The following PDZRN3 variants were observed in gnomAD, a reference collection of about 807,000 sequenced individuals.
PDZRN3 encodes PDZ domain containing ring finger 3, also known as E3 ubiquitin-protein ligase PDZRN3.
Under a neutral mutation model 85.7 loss-of-function variants are expected in PDZRN3, and 38 were observed. The observed-to-expected ratio is 0.44, with a 90% CI of 0.34 to 0.58. The LOEUF (loss-of-function observed/expected upper bound fraction) is 0.58, where lower values mean the gene tolerates loss of function less well. Ranked by LOEUF, PDZRN3 falls within the 20% of genes least tolerant of loss-of-function variation. PDZRN3 has a pLI of 0.01. For synonymous variants in PDZRN3, 759 were observed against 638.0 expected, an observed-to-expected ratio of 1.19 and a Z score of -2.86; for missense variants, 1,629 against 1,506.4, an observed-to-expected ratio of 1.08 and a Z score of -1.35.
intron 3 of PDZRN3, among the ~76,000 whole-genome samples, chr3:73,596,228 G>T (rs1171420887): frequency 2.6e-5 from 4 of 152,148 alleles, no homozygotes; most frequent in Non-Finnish European, 5.9e-5. Context: ...CAGAGGAAGA[G>T]ACAGACAGAT....
At chr3:73,420,824 T>C (rs1285603219) in intron 3 of PDZRN3, among the ~76,000 whole-genome samples, 1 of 152,144 alleles carries the variant, frequency 6.6e-6, no homozygotes, top group Non-Finnish European at 1.5e-5. Flanking sequence ...TCCAGTATCT[T>C]CCCAAATCCA....
At chr3:73,524,788 G>C (rs998863718) in intron 3 of PDZRN3, among the ~76,000 whole-genome samples, 7 of 152,108 alleles carry the variant, frequency 4.6e-5, no homozygotes, top group African/African-American at 1.7e-4. Context: ...AATTAAAAGT[G>C]AACATAATCC....
chr3:73,426,790 G>A (rs1026266145), intron 3 of PDZRN3, among the ~76,000 whole-genome samples: 1 of 152,234 alleles, frequency 6.6e-6, no homozygotes, highest in South Asian at 2.1e-4. Context: ...GTAGCTCTGG[G>A]GCGGGGCCTG....
intron 3 of PDZRN3, among the ~76,000 whole-genome samples, chr3:73,586,121 T>C (rs1376450313): frequency 6.6e-6 from 1 of 152,222 alleles, no homozygotes; most frequent in Non-Finnish European, 1.5e-5. Flanking sequence ...TACCCTTATA[T>C]TTATATTTTT....
intron 1 of PDZRN3, among the ~76,000 whole-genome samples, chr3:73,617,617 T>C (rs1021808133): frequency 3.3e-5 from 5 of 152,240 alleles, no homozygotes; most frequent in African/African-American, 1.2e-4. Context: ...ACTTCATTCC[T>C]ACTGTTAACC....
chr3:73,397,407 A>G (rs986677993), intron 5 of PDZRN3, among the ~76,000 whole-genome samples: 1 of 152,226 alleles, frequency 6.6e-6, no homozygotes, highest in African/African-American at 2.4e-5. Flanking sequence ...CCCAAGAGTT[A>G]GAACAAAACA....
chr3:73,486,289 T>C (rs556679696), intron 3 of PDZRN3, among the ~76,000 whole-genome samples: 2 of 151,826 alleles, frequency 1.3e-5, no homozygotes, highest in Admixed American at 1.3e-4. Context: ...TAAGAGCCCA[T>C]GGATAGGAGG....
chr3:73,624,094 G>C lies in PDZRN3; in HGVS notation c.723+9C>G. The C allele has an allele frequency of 6.9e-7, 1 of 1,440,174 alleles. No individual in the cohort carries two copies. Among genetic ancestry groups the C allele is most frequent in the Non-Finnish European group, 9.0e-7 (1 of 1,105,708 alleles). The allele number at this position is 1,440,174 out of a possible 1,614,324, so 89.2% of individuals were successfully genotyped here. On this transcript the variant is annotated intron_variant, in intron 1 of 9. Transcript: ENST00000263666. ...TGGCTGGAGGTCGGGGCGGGCAGCA[G>C]GCGCCTACCTTGCCGCCGGGCGGCG...
chr3:73,556,026 A>T (rs1375201174), intron 3 of PDZRN3, among the ~76,000 whole-genome samples: 1 of 152,160 alleles, frequency 6.6e-6, no homozygotes, highest in African/African-American at 2.4e-5. Context: ...ATTCCTAGAA[A>T]TGCTCCCCAC....
At chr3:73,438,221 T>TATA (rs1321721533) in intron 3 of PDZRN3, among the ~76,000 whole-genome samples, 2 of 152,126 alleles carry the variant, frequency 1.3e-5, no homozygotes, top group Non-Finnish European at 2.9e-5. Context: ...AGACAAGGCA[T>TATA]ATACACAAAG....
chr3:73,419,795 A>G (rs1702163433), intron 3 of PDZRN3, among the ~76,000 whole-genome samples: 1 of 152,190 alleles, frequency 6.6e-6, no homozygotes, highest in Non-Finnish European at 1.5e-5. Flanking sequence ...TGGCATATCA[A>G]CTATATCTGG....
chr3:73,394,407 A>C (rs1174503398), intron 5 of PDZRN3, among the ~76,000 whole-genome samples: 1 of 152,220 alleles, frequency 6.6e-6, no homozygotes, highest in Non-Finnish European at 1.5e-5. Context: ...CTCTCAGAAC[A>C]AACCGTCATG....
chr3:73,385,533 C>T (rs1701357997), intron 9 of PDZRN3, 136 bp downstream of exon 9: 1 of 635,646 alleles, frequency 1.6e-6, no homozygotes, highest in Non-Finnish European at 2.8e-6. Flanking sequence ...TAGAAAAGTA[C>T]TTGAGGCTGT....
At chr3:73,533,430 G>A (rs925107427) in intron 3 of PDZRN3, among the ~76,000 whole-genome samples, 1 of 152,024 alleles carries the variant, frequency 6.6e-6, no homozygotes, top group African/African-American at 2.4e-5. Flanking sequence ...CAGAGCTGTA[G>A]AATCACCAGA....
In PDZRN3 at chr3:73,477,476, A is replaced by T. The variant is rs1703479519; in HGVS notation, c.919-73081T>A. On this transcript the variant is annotated intron_variant, in intron 3 of 9. Coordinates refer to ENST00000263666, the MANE Select transcript of PDZRN3 (RefSeq NM_015009.3). Reference sequence around the variant, plus strand: ...GATTGTCCACAGTCTTGGATTAACCATAGTCTTGGATTATTAAAATTAAAG... The same window carrying T: ...GATTGTCCACAGTCTTGGATTAACCTTAGTCTTGGATTATTAAAATTAAAG... Among the ~76,000 whole-genome samples, 3 of 152,338 alleles carry T rather than the reference A, an allele frequency of 2.0e-5. No homozygotes were observed. The South Asian group carries it at 6.2e-4, about 32-fold the overall frequency.
chr3:73,493,695 C>T (rs1010540731), intron 3 of PDZRN3, among the ~76,000 whole-genome samples: 2 of 152,184 alleles, frequency 1.3e-5, no homozygotes, highest in African/African-American at 2.4e-5. Flanking sequence ...GATTCTATCA[C>T]GACTAGTTTT....
At chr3:73,577,076 A>G (rs1559745744) in intron 3 of PDZRN3, among the ~76,000 whole-genome samples, 2 of 152,188 alleles carry the variant, frequency 1.3e-5, no homozygotes. Flanking sequence ...TCACTCATGC[A>G]TGGTTGATGA....
At chr3:73,425,046 G>A (rs1432284214) in intron 3 of PDZRN3, among the ~76,000 whole-genome samples, 11 of 146,372 alleles carry the variant, frequency 7.5e-5, no homozygotes, top group Admixed American at 1.4e-4. Context: ...ACGGAGTCTC[G>A]CTCTGTTGTC....
chr3:73,591,730 A>G (rs957558149), intron 3 of PDZRN3, among the ~76,000 whole-genome samples: 2 of 152,194 alleles, frequency 1.3e-5, no homozygotes, highest in African/African-American at 2.4e-5. Flanking sequence ...TTACAGAAGA[A>G]AGCAATGCTC....
Sources: allele counts gnomAD v4.1 joint callset (sites outside exome capture counted in the v4.1 genomes callset), GRCh38; gene constraint gnomAD v4.1.1; transcripts MANE v1.5; gene names NCBI Gene and HGNC (gene_info 2026-07-23, HGNC 2026-07-21).